Variants in PCDH15 observed in about 807,000 individuals in gnomAD.
PCDH15 encodes the protein protocadherin-15.
In PCDH15, 129 loss-of-function variants were observed where a neutral mutation model predicts 178.5. The observed-to-expected ratio is 0.72, with a 90% CI of 0.63 to 0.84. The LOEUF (loss-of-function observed/expected upper bound fraction) is 0.84, where lower values mean the gene tolerates loss of function less well. Among genes scored for constraint, PCDH15 ranks in the 40% least tolerant of loss-of-function variants. PCDH15 has a pLI of 0.00. For missense variants in PCDH15, 2,230 were observed against 2,099.9 expected (o/e 1.06, Z -1.21); for synonymous variants, 800 against 732.0 (o/e 1.09, Z -1.50).
Position 54,759,623 on chromosome 10 carries a change from G to A in PCDH15, c.-29+41302C>T, listed in dbSNP as rs569155259. Among the ~76,000 whole-genome samples, 31 of 152,160 alleles carry A rather than the reference G, an allele frequency of 2.0e-4. 1 individual carries two copies. The highest frequency in any genetic ancestry group is 1.0e-3 in the South Asian group (5 of 4,824). On this transcript the variant is annotated intron_variant, in intron 1 of 37. Transcript: ENST00000644397. ...AGAATTGGGGCATTATTTGTCTTTC[G>A]GCAGCGTATTTTTAAAATTGTTATG...
At chr10:55,218,501 G>A (rs961638428) in intron 1 of PCDH15, among the ~76,000 whole-genome samples, 7 of 151,966 alleles carry the variant, frequency 4.6e-5, no homozygotes, top group Non-Finnish European at 7.4e-5. Flanking sequence ...TTGGTCTGGA[G>A]AACATCCTTC....
intron 13 of PCDH15, among the ~76,000 whole-genome samples, chr10:54,169,401 A>G (rs2046626822): frequency 7.4e-6 from 1 of 134,512 alleles, no homozygotes; most frequent in Non-Finnish European, 1.6e-5. Flanking sequence ...TGTTGTGGGT[A>G]TTGACGGCCA....
chr10:54,114,462 C>T (rs1437992945), intron 15 of PCDH15, among the ~76,000 whole-genome samples: 2 of 152,158 alleles, frequency 1.3e-5, no homozygotes, highest in East Asian at 3.9e-4. Flanking sequence ...TGATAGTCAA[C>T]AATTTTTTAT....
At chr10:54,316,336 CAAAT>C (rs2061265513) in intron 8 of PCDH15, among the ~76,000 whole-genome samples, 1 of 152,038 alleles carries the variant, frequency 6.6e-6, no homozygotes, top group South Asian at 2.1e-4. Context: ...CTCAAAATCT[CAAAT>C]AGAGGACCCT....
intron 2 of PCDH15, among the ~76,000 whole-genome samples, chr10:55,328,165 A>G (rs970558000): frequency 6.6e-6 from 1 of 151,928 alleles, no homozygotes. Context: ...GATGCCGTAC[A>G]AAATTGTATA....
chr10:55,092,042 T>C (rs969595330), intron 2 of PCDH15, among the ~76,000 whole-genome samples: 5 of 151,936 alleles, frequency 3.3e-5, no homozygotes, highest in Admixed American at 1.3e-4. Context: ...CAGAAATCTA[T>C]TCTAATATGG....
intron 37 of PCDH15, 87 bp downstream of exon 37, chr10:53,810,469 T>C: frequency 1.6e-6 from 2 of 1,224,924 alleles, no homozygotes; most frequent in Non-Finnish European, 2.4e-6. Context: ...TTCTAAAAGC[T>C]GAAATGTTCT....
At chr10:54,360,682 T>A (rs899096193) in intron 5 of PCDH15, among the ~76,000 whole-genome samples, 1 of 152,136 alleles carries the variant, frequency 6.6e-6, no homozygotes, top group Non-Finnish European at 1.5e-5. Flanking sequence ...AGCCATTGAA[T>A]TTTGATCCTA....
intron 2 of PCDH15, among the ~76,000 whole-genome samples, chr10:55,493,424 T>C (rs148433598): frequency 1.3e-5 from 2 of 151,510 alleles, no homozygotes; most frequent in East Asian, 3.9e-4. Context: ...GTCATACACC[T>C]GTAGCTACTC....
intron 20 of PCDH15, among the ~76,000 whole-genome samples, chr10:53,997,063 G>A (rs181593853): frequency 3.6e-3 from 551 of 151,926 alleles, no homozygotes; most frequent in Middle Eastern, 0.014. Context: ...TTTTATATTC[G>A]CCATAGAGTT....
In PCDH15 at chr10:54,715,487, G is replaced by T. The variant is rs532611249; in HGVS notation, c.-28-51197C>A. Among the ~76,000 whole-genome samples the T allele has an allele frequency of 2.6e-5, 4 of 152,230 alleles. No homozygotes were observed. The South Asian group carries it at 8.3e-4, about 32-fold the overall frequency. ...TGAGCTTTAATTCACGAAGGAAAGTGGGAATTCACCAGAATAACAAAGGAC... is the reference window on the plus strand; with the variant it reads ...TGAGCTTTAATTCACGAAGGAAAGTTGGAATTCACCAGAATAACAAAGGAC... On this transcript the variant is annotated intron_variant, in intron 1 of 37. Transcript: ENST00000644397.
intron 1 of PCDH15, among the ~76,000 whole-genome samples, chr10:54,792,186 A>G (rs879219831): frequency 6.6e-6 from 1 of 151,900 alleles, no homozygotes; most frequent in Admixed American, 6.6e-5. Flanking sequence ...TAAACAAAGG[A>G]CCAGAAAAAT....
intron 3 of PCDH15, among the ~76,000 whole-genome samples, chr10:54,476,146 G>A (rs989214140): frequency 2.6e-5 from 4 of 151,272 alleles, no homozygotes; most frequent in Non-Finnish European, 5.9e-5. Flanking sequence ...ACTATGATAA[G>A]GCTATTTTCT....
intron 2 of PCDH15, among the ~76,000 whole-genome samples, chr10:55,451,601 T>G (rs1839437064): frequency 6.6e-6 from 1 of 152,230 alleles, no homozygotes; most frequent in African/African-American, 2.4e-5. Flanking sequence ...GAATTCATTT[T>G]AAGTAGTAAA....
chr10:54,949,982 T>A (rs2131873199), intron 2 of PCDH15, among the ~76,000 whole-genome samples: 1 of 152,144 alleles, frequency 6.6e-6, no homozygotes, highest in Middle Eastern at 3.4e-3. Flanking sequence ...CATCTTCATG[T>A]CTTCTTCTGA....
chr10:53,860,444 C>T (rs1361015126), intron 27 of PCDH15, among the ~76,000 whole-genome samples: 1 of 151,958 alleles, frequency 6.6e-6, no homozygotes, highest in African/African-American at 2.4e-5. Flanking sequence ...ATTCAAAATA[C>T]TTTAAGCCAG....
At chr10:54,915,979 C>A (rs796504205) in intron 2 of PCDH15, among the ~76,000 whole-genome samples, 27 of 152,284 alleles carry the variant, frequency 1.8e-4, no homozygotes, top group African/African-American at 6.3e-4. Flanking sequence ...CAGGCACCTG[C>A]AACCGTGCCT....
At chr10:55,217,426 C>T (rs1036164448) in intron 1 of PCDH15, among the ~76,000 whole-genome samples, 1 of 151,796 alleles carries the variant, frequency 6.6e-6, no homozygotes, top group Admixed American at 6.6e-5. Flanking sequence ...TAAAAACCTT[C>T]GTATTTTTAT....
At chr10:54,773,913 G>A (rs548762703) in intron 1 of PCDH15, among the ~76,000 whole-genome samples, 5 of 148,892 alleles carry the variant, frequency 3.4e-5, no homozygotes, top group African/African-American at 1.2e-4. Context: ...AACTGTGTAA[G>A]GCCCAATTCT....
Sources: allele counts gnomAD v4.1 joint callset (sites outside exome capture counted in the v4.1 genomes callset), GRCh38; gene constraint gnomAD v4.1.1; transcripts MANE v1.5; gene names NCBI Gene and HGNC (gene_info 2026-07-23, HGNC 2026-07-21).